Variants in LTBP2 observed in about 807,000 individuals in gnomAD.
The protein encoded by LTBP2 is latent-transforming growth factor beta-binding protein 2.
In LTBP2, 103 loss-of-function variants were observed where a neutral mutation model predicts 210.6. The ratio of observed to expected loss-of-function variants is 0.49; its 90% CI spans 0.42 to 0.58. LTBP2 has a LOEUF of 0.58. LTBP2 is among the 20% of genes least tolerant of loss of function. The pLI, the probability that LTBP2 is intolerant of heterozygous loss-of-function variation, is 0.00. For missense variants in LTBP2, 2,313 were observed against 2,494.5 expected (o/e 0.93, Z 1.55); for synonymous variants, 1,007 against 1,015.0 (o/e 0.99, Z 0.15).
intron 18 of LTBP2, among the ~76,000 whole-genome samples, chr14:74,513,311 T>C (rs990367449): frequency 2.6e-5 from 4 of 152,218 alleles, no homozygotes; most frequent in African/African-American, 9.6e-5. Context: ...GCCATGAGAC[T>C]AGTGAGGGCC....
chr14:74,585,734 G>C (rs2088195042), intron 3 of LTBP2, 120 bp downstream of exon 3: 1 of 1,470,542 alleles, frequency 6.8e-7, no homozygotes, highest in East Asian at 2.3e-5. Flanking sequence ...GGGTGGGGAG[G>C]AGAGAAGGGA....
Position 74,503,160 on chromosome 14 carries a change from C to T in LTBP2, c.4888+59G>A, listed in dbSNP as rs574549811. On this transcript the variant is annotated intron_variant, in intron 33 of 35. Coordinates refer to ENST00000261978, the MANE Select transcript of LTBP2 (RefSeq NM_000428.3). Reference sequence around the variant, plus strand: ...TAGATCCCCAGTTCCAAGGTGAGGGCATCCCCCTCCCTGGGGCCTGGCCCA... The same window carrying T: ...TAGATCCCCAGTTCCAAGGTGAGGGTATCCCCCTCCCTGGGGCCTGGCCCA... The T allele has an allele frequency of 6.4e-5, 102 of 1,598,964 alleles. 1 individual carries two copies. In the African/African-American group the frequency reaches 1.1e-3, roughly 17 times the overall value.
Position 74,498,859 on chromosome 14 carries a change from T to C in LTBP2, c.*2025A>G, listed in dbSNP as rs2086879538. The C allele has an allele frequency of 4.4e-6, 1 of 227,988 alleles. No homozygotes were observed. The highest frequency in any genetic ancestry group is 2.2e-5 in the African/African-American group (1 of 45,062). 14.1% of individuals were successfully genotyped at this position (227,988 alleles called of 1,614,324 possible). On this transcript the variant is annotated 3_prime_UTR_variant, in exon 36 of 36. Coordinates refer to ENST00000261978, the MANE Select transcript of LTBP2 (RefSeq NM_000428.3). ...CCTTTTCCCCTTAATTTGTTTTGGATATCTTTCTTAAGGAATTTAGAGCCA... is the reference window on the plus strand; with the variant it reads ...CCTTTTCCCCTTAATTTGTTTTGGACATCTTTCTTAAGGAATTTAGAGCCA...
chr14:74,525,929 A>G, intron 14 of LTBP2, 146 bp downstream of exon 14: 1 of 839,472 alleles, frequency 1.2e-6, no homozygotes. Context: ...GCTCCCAGAA[A>G]CAGCACTCAC....
rs754024532 is a variant in LTBP2, at chr14:74,549,996, C to T, written c.1687-31G>A. The T allele has an allele frequency of 2.9e-6, 4 of 1,387,830 alleles. No homozygotes were observed. The Admixed American group carries it at 6.7e-5, about 23-fold the overall frequency. 86.0% of individuals were successfully genotyped at this position (1,387,830 alleles called of 1,614,324 possible). On this transcript the variant is annotated intron_variant, in intron 7 of 35. Transcript: ENST00000261978. ...AGGAGAGGCCATGGACACCTGTGAC[C>T]ACCCCCCTTCCCTCCCAGGCTGTGC...
chr14:74,572,623 A>C (rs557851683), intron 3 of LTBP2, among the ~76,000 whole-genome samples: 1 of 152,284 alleles, frequency 6.6e-6, no homozygotes, highest in Admixed American at 6.5e-5. Flanking sequence ...CCTGGACAAG[A>C]GGTGAAACCT....
At chr14:74,540,875 AT>A (rs2087496126) in intron 8 of LTBP2, among the ~76,000 whole-genome samples, 2 of 98,316 alleles carry the variant, frequency 2.0e-5, no homozygotes, top group African/African-American at 7.8e-5. Flanking sequence ...ATTTATATAT[AT>A]AATATATATA....
chr14:74,571,828 G>A (rs1450271016), intron 3 of LTBP2, among the ~76,000 whole-genome samples: 1 of 152,212 alleles, frequency 6.6e-6, no homozygotes, highest in Non-Finnish European at 1.5e-5. Context: ...ACATCTGGAA[G>A]CAGAAATGTG....
At chr14:74,553,923 C>CGT (rs34143485) in intron 4 of LTBP2, among the ~76,000 whole-genome samples, 21,149 of 130,356 alleles carry the variant, frequency 0.16, 1,956 homozygotes, top group East Asian at 0.35. Context: ...AGCGGAGAAA[C>CGT]GTGTGTGTGT....
At chr14:74,516,185 C>T (rs1014122467) in intron 18 of LTBP2, among the ~76,000 whole-genome samples, 10 of 152,224 alleles carry the variant, frequency 6.6e-5, no homozygotes, top group Non-Finnish European at 1.5e-4. Flanking sequence ...TGCCCTGGGC[C>T]TCCTACAAGC....
chr14:74,593,806 C>T (rs573666622), intron 2 of LTBP2, among the ~76,000 whole-genome samples: 2 of 152,066 alleles, frequency 1.3e-5, no homozygotes, highest in East Asian at 1.9e-4. Context: ...ACCACTCCCC[C>T]AGAGGCCAGA....
At chr14:74,540,540 C>T (rs956310006) in intron 8 of LTBP2, among the ~76,000 whole-genome samples, 4 of 150,448 alleles carry the variant, frequency 2.7e-5, no homozygotes, top group South Asian at 2.1e-4. Context: ...CCGAGGCGGG[C>T]GGATCATGAG....
intron 17 of LTBP2, among the ~76,000 whole-genome samples, chr14:74,519,730 A>G (rs2087178593): frequency 6.6e-6 from 1 of 152,128 alleles, no homozygotes; most frequent in Non-Finnish European, 1.5e-5. Context: ...GGGCTGGCAG[A>G]GACATCTTGG....
chr14:74,501,765 GA>G (rs371695658), intron 34 of LTBP2, 175 bp from the exon 35 acceptor site: 74 of 715,532 alleles, frequency 1.0e-4, no homozygotes, highest in Middle Eastern at 4.0e-4. Context: ...CAGTACTCTT[GA>G]AAAAAAAAGT....
intron 3 of LTBP2, among the ~76,000 whole-genome samples, chr14:74,568,295 A>G (rs1262883806): frequency 6.6e-6 from 1 of 152,100 alleles, no homozygotes; most frequent in Non-Finnish European, 1.5e-5. Context: ...ATTTCATAAC[A>G]ATCCAAGAGC....
intron 8 of LTBP2, among the ~76,000 whole-genome samples, chr14:74,543,548 CCCTCCCTTCCTT>C (rs1280836231): frequency 5.4e-4 from 35 of 65,374 alleles, no homozygotes; most frequent in Non-Finnish European, 9.8e-4. Flanking sequence ...TTTCCTCCCT[CCCTCCCTTCCTT>C]CCTCCCTTCC....
intron 21 of LTBP2, 115 bp from the exon 22 acceptor site, chr14:74,509,478 T>C (rs1247101912): frequency 6.8e-7 from 1 of 1,461,214 alleles, no homozygotes; most frequent in Non-Finnish European, 9.5e-7. Flanking sequence ...TAAAACCCCC[T>C]CCCTAGAACG....
Position 74,502,736 on chromosome 14 carries a change from C to T in LTBP2, c.5087G>A (p.Gly1696Asp). The T allele has an allele frequency of 1.9e-6, 3 of 1,614,182 alleles. No homozygotes were observed. Among genetic ancestry groups the T allele is most frequent in the Non-Finnish European group, 2.5e-6 (3 of 1,180,040 alleles). The part of the protein sequence containing the change: ...VPEPAFPNTA[G>D]HSADRTPILE... ...GATGGGTGTGCGGTCCGCTGAGTGA[C>T]CGGCTGTGTTGGGGAAGGCAGGCTC... The change falls in exon 34 of 36, where the codon GGT (glycine) becomes GAT (aspartate). Residue 1696 changes from glycine (G) to aspartate (D), a missense_variant. Gly to Asp is a moderately conservative substitution (Grantham distance 94, BLOSUM62 -1). Coordinates refer to ENST00000261978, the MANE Select transcript of LTBP2 (RefSeq NM_000428.3).
At chr14:74,596,055 G>T (rs1475862017) in intron 2 of LTBP2, among the ~76,000 whole-genome samples, 1 of 151,686 alleles carries the variant, frequency 6.6e-6, no homozygotes, top group Non-Finnish European at 1.5e-5. Context: ...TAGTCAAAAC[G>T]TCTCTATAAA....
Sources: allele counts gnomAD v4.1 joint callset (sites outside exome capture counted in the v4.1 genomes callset), GRCh38; gene constraint gnomAD v4.1.1; transcripts MANE v1.5; gene names NCBI Gene and HGNC (gene_info 2026-07-23, HGNC 2026-07-21).